YBEY: variants seen among roughly 807,000 people sequenced by gnomAD.
The protein encoded by YBEY is endoribonuclease YbeY.
YBEY carries 15 observed loss-of-function variants against 13.5 expected under a neutral mutation model. That is an observed-to-expected ratio of 1.11 (90% CI 0.75 to 1.72). The LOEUF is 1.72. YBEY is among the 40% of genes most tolerant of loss of function. YBEY has a pLI of 0.00. For synonymous variants in YBEY, 101 were observed against 83.1 expected, an observed-to-expected ratio of 1.21 and a Z score of -1.17; for missense variants, 244 against 208.4, an observed-to-expected ratio of 1.17 and a Z score of -1.05.
chr21:46,301,344 G>T (rs1601618801), downstream of YBEY: 1 of 385,206 alleles, frequency 2.6e-6, no homozygotes, highest in Non-Finnish European at 3.6e-6. Flanking sequence ...ACGGGGTCTT[G>T]CTATGTGACC....
chr21:46,308,994 C>T, the YBEY span, among the ~76,000 whole-genome samples: 1 of 152,144 alleles, frequency 6.6e-6, no homozygotes, highest in African/African-American at 2.4e-5. Flanking sequence ...GTCTCTATAA[C>T]TGTAAGAAAT....
Position 46,287,026 on chromosome 21 carries a change from G to T in YBEY, c.113G>T (p.Gly38Val). ...TTAGGAGTGCAGAAATTTGACCTGGGGATCATCTGTGTTGACAACAAGAAT... is the reference window on the plus strand; with the variant it reads ...TTAGGAGTGCAGAAATTTGACCTGGTGATCATCTGTGTTGACAACAAGAAT... The part of the protein sequence containing the change: ...RILGVQKFDL[G>V]IICVDNKNIQ... Residue 38 changes from glycine to valine, a missense_variant, in exon 2 of 5, where the codon GGG becomes GTG. Gly to Val is a moderately radical substitution (Grantham distance 109, BLOSUM62 -3). Transcript: ENST00000397701. 6.2e-7 allele frequency: 1 copy of T among 1,613,900 alleles called. No homozygotes were observed. The highest frequency in any genetic ancestry group is 8.5e-7 in the Non-Finnish European group (1 of 1,179,978).
chr21:46,295,089 G>T (rs933483595), intron 3 of YBEY, among the ~76,000 whole-genome samples: 7 of 152,170 alleles, frequency 4.6e-5, no homozygotes, highest in African/African-American at 1.7e-4. Context: ...CAGCAACTGT[G>T]GGCGGGGGGG....
intron 2 of YBEY, 24 bp from the exon 3 acceptor site, chr21:46,291,310 A>G (rs762446431): frequency 6.2e-7 from 1 of 1,613,656 alleles, no homozygotes; most frequent in Non-Finnish European, 8.5e-7. Flanking sequence ...CTGTTCTCTA[A>G]GTCTACATTT....
At chr21:46,300,478 G>A, downstream of YBEY, 1 of 235,226 alleles carries the variant, frequency 4.3e-6, no homozygotes, top group South Asian at 8.0e-5. Flanking sequence ...ATGCTGGAAA[G>A]TCACCTTGAA....
chr21:46,310,059 G>C, the YBEY span, among the ~76,000 whole-genome samples: 1 of 152,256 alleles, frequency 6.6e-6, no homozygotes, highest in East Asian at 1.9e-4. Flanking sequence ...GTGACGGAAA[G>C]CTGCTCAGCA....
chr21:46,311,673 A>G, the YBEY span: 2 of 551,042 alleles, frequency 3.6e-6, no homozygotes, highest in East Asian at 6.5e-5. Flanking sequence ...CCAACCAACC[A>G]ACCATCCACC....
intron 3 of YBEY, among the ~76,000 whole-genome samples, chr21:46,295,198 C>T (rs1374067766): frequency 6.6e-6 from 1 of 152,094 alleles, no homozygotes; most frequent in East Asian, 1.9e-4. Flanking sequence ...CTCCTTGGGG[C>T]TCCCTATTAC....
chr21:46,291,197 CAAAAAA>C (rs878872964), intron 2 of YBEY, 131 bp from the exon 3 acceptor site: 32 of 649,806 alleles, frequency 4.9e-5, no homozygotes, highest in East Asian at 3.0e-4. Context: ...AACTCCGTCT[CAAAAAA>C]AAAAAAAAAA....
downstream of YBEY, among the ~76,000 whole-genome samples, chr21:46,298,105 C>T (rs537397610): frequency 4.2e-4 from 64 of 152,378 alleles, no homozygotes; most frequent in African/African-American, 1.5e-3. Context: ...GGCCTCCCGG[C>T]CACGGACACC....
At position 46,286,856 on chromosome 21, in the gene YBEY, C is replaced by A. The variant is rs1276145508; in HGVS notation, c.-44-14C>A. The A allele has an allele frequency of 1.9e-6, 3 of 1,549,204 alleles. No homozygotes were observed. The highest frequency in any genetic ancestry group is 2.3e-5 in the South Asian group (2 of 88,246). On this transcript the variant is annotated splice_polypyrimidine_tract_variant and intron_variant, in intron 1 of 4. Coordinates refer to ENST00000397701, the MANE Select transcript of YBEY (RefSeq NM_001314025.2). ...ACTTGTACTGATTGGTCTTCTCTTACACTTTAACCCCAGGTTCCGTTGCAA... is the reference window on the plus strand; with the variant it reads ...ACTTGTACTGATTGGTCTTCTCTTAAACTTTAACCCCAGGTTCCGTTGCAA...
intron 4 of YBEY, among the ~76,000 whole-genome samples, chr21:46,296,727 G>C (rs1351159073): frequency 6.6e-6 from 1 of 152,234 alleles, no homozygotes; most frequent in Admixed American, 6.5e-5. Flanking sequence ...GGGCGCAGTG[G>C]CTCACGCCTG....
intron 3 of YBEY, 54 bp from the exon 4 acceptor site, chr21:46,296,107 AG>A: frequency 1.2e-6 from 2 of 1,605,134 alleles, no homozygotes; most frequent in Non-Finnish European, 8.5e-7. Flanking sequence ...GTGGCCCTGA[AG>A]GGGCAGGTTC....
At chr21:46,298,509 G>A (rs1258064782), downstream of YBEY, among the ~76,000 whole-genome samples, 6 of 141,028 alleles carry the variant, frequency 4.3e-5, no homozygotes, top group South Asian at 2.3e-4. Context: ...GCTCACTACA[G>A]GCTCCGCCCG....
intron 3 of YBEY, chr21:46,291,808 C>A: frequency 9.3e-7 from 1 of 1,078,542 alleles, no homozygotes; most frequent in Non-Finnish European, 1.1e-6. Context: ...GCCTCCACCA[C>A]CTTCCAGATC....
intron 4 of YBEY, among the ~76,000 whole-genome samples, chr21:46,297,202 G>A (rs960621827): frequency 6.6e-6 from 1 of 152,176 alleles, no homozygotes; most frequent in Non-Finnish European, 1.5e-5. Context: ...GGGAGGCTGA[G>A]GCAGGAGAAT....
chr21:46,291,271 C>A, intron 2 of YBEY, 63 bp from the exon 3 acceptor site: 1 of 1,600,858 alleles, frequency 6.2e-7, no homozygotes, highest in Non-Finnish European at 8.5e-7. Flanking sequence ...CAGGATGAAA[C>A]CTGTCAACCT....
intron 2 of YBEY, among the ~76,000 whole-genome samples, chr21:46,289,452 T>TTTTTG (rs2081603636): frequency 5.8e-5 from 8 of 137,336 alleles, no homozygotes; most frequent in African/African-American, 2.6e-5. Context: ...TTTTGTTTTT[T>TTTTTG]TTTTTTTTTT....
At position 46,287,044 on chromosome 21, in the gene YBEY, A is replaced by G. The variant is rs1390929268; in HGVS notation, c.131A>G (p.Asn44Ser). Residue 44 changes from asparagine to serine, a missense_variant, in exon 2 of 5, where the codon AAC becomes AGC. Coordinates refer to ENST00000397701, the MANE Select transcript of YBEY (RefSeq NM_001314025.2). Reference sequence around the variant, plus strand: ...GACCTGGGGATCATCTGTGTTGACAACAAGAATATTCAGCACATTAATAGA... The same window carrying G: ...GACCTGGGGATCATCTGTGTTGACAGCAAGAATATTCAGCACATTAATAGA... ...KFDLGIICVD[N>S]KNIQHINRIY... The G allele has an allele frequency of 6.2e-7, 1 of 1,614,016 alleles. No individual in the cohort carries two copies. Among genetic ancestry groups the G allele is most frequent in the Non-Finnish European group, 8.5e-7 (1 of 1,180,036 alleles).
Sources: gnomAD v4.1 joint callset for allele counts (sites outside exome capture counted in the v4.1 genomes callset) on GRCh38, gnomAD v4.1.1 for gene constraint, MANE v1.5 for transcripts, NCBI Gene and HGNC (gene_info 2026-07-23, HGNC 2026-07-21) for gene names.